Variants in CDKN2B-AS1 observed in about 807,000 individuals in gnomAD.
CDKN2B-AS1 encodes the protein CDKN2B and CDKN2A antisense cis and trans regulatory RNA 1.
At chr9:22,076,536 T>TA (rs1824499701) in intron 4 of CDKN2B-AS1, among the ~76,000 whole-genome samples, 1 of 152,166 alleles carries the variant, frequency 6.6e-6, no homozygotes, top group Admixed American at 6.5e-5. Flanking sequence ...AACACGGTGC[T>TA]ATGGGTAAAA....
At chr9:22,043,637 C>T (rs1822991080) in intron 1 of CDKN2B-AS1, among the ~76,000 whole-genome samples, 1 of 151,930 alleles carries the variant, frequency 6.6e-6, no homozygotes, top group South Asian at 2.1e-4. Context: ...GTTTTCCAAA[C>T]TTTAGTTATT....
intron 4 of CDKN2B-AS1, among the ~76,000 whole-genome samples, chr9:22,076,030 G>A (rs1291831523): frequency 6.6e-6 from 1 of 152,006 alleles, no homozygotes; most frequent in African/African-American, 2.4e-5. Context: ...TCAAGTACTG[G>A]CATCCTCAGA....
rs3028393 is a variant in CDKN2B-AS1, at chr9:22,005,112, A to ATGTGTGTGTG, written n.29+9972_29+9981dup. 590 of 225,442 alleles carry ATGTGTGTGTG rather than the reference A, an allele frequency of 2.6e-3. 2 individuals carry two copies. Among genetic ancestry groups the ATGTGTGTGTG allele is most frequent in the East Asian group, 0.022 (351 of 15,976 alleles). The allele number at this position is 225,442 out of a possible 1,614,324, so 14.0% of individuals were successfully genotyped here. The stretch of plus-strand genomic sequence containing the variant: ...CATAAGGGGATTTCCGCATCCTAGC[A>ATGTGTGTGTG]TGTGTGTGTGTGTGTGTGTGTGTGT... On this transcript the variant is annotated intron_variant and non_coding_transcript_variant, in intron 1 of 4. Coordinates refer to ENST00000650946, the Ensembl canonical transcript of CDKN2B-AS1. This position sits in a 1 kb window ranked among gnomAD's most constrained non-coding sequence, Gnocchi z 4.9.
chr9:22,100,133 C>T (rs937535901), intron 4 of CDKN2B-AS1, among the ~76,000 whole-genome samples: 5 of 151,994 alleles, frequency 3.3e-5, no homozygotes, highest in African/African-American at 1.2e-4. Context: ...TTTAATTATT[C>T]CTCTAATTTC....
chr9:22,019,500 A>G (rs1821931141), intron 1 of CDKN2B-AS1, among the ~76,000 whole-genome samples: 1 of 152,154 alleles, frequency 6.6e-6, no homozygotes, highest in African/African-American at 2.4e-5. Flanking sequence ...AGGTTTTTAC[A>G]ATGAGAGAGG....
intron 2 of CDKN2B-AS1, among the ~76,000 whole-genome samples, chr9:22,048,243 G>T (rs575682507): frequency 6.6e-6 from 1 of 152,142 alleles, no homozygotes; most frequent in African/African-American, 2.4e-5. Context: ...GCAGAAGTGT[G>T]TGCCTCTAAG....
chr9:22,022,796 C>T (rs1278973090), intron 1 of CDKN2B-AS1, among the ~76,000 whole-genome samples: 1 of 152,184 alleles, frequency 6.6e-6, no homozygotes, highest in Non-Finnish European at 1.5e-5. Context: ...GTGCTTCCTT[C>T]AGGAGCTCTT....
intron 1 of CDKN2B-AS1, among the ~76,000 whole-genome samples, chr9:22,002,457 T>C (rs888817677): frequency 1.3e-5 from 2 of 148,232 alleles, no homozygotes; most frequent in African/African-American, 5.0e-5. Flanking sequence ...AATTGAGGGG[T>C]AATTATAGAA....
intron 3 of CDKN2B-AS1, among the ~76,000 whole-genome samples, chr9:22,054,717 A>G (rs1448060232): frequency 6.8e-6 from 1 of 147,310 alleles, no homozygotes; most frequent in Non-Finnish European, 1.5e-5. Flanking sequence ...TTAAATTTTT[A>G]TTTATTTTAT....
chr9:22,003,065 T>G (rs1326686490), intron 1 of CDKN2B-AS1: 1 of 212,728 alleles, frequency 4.7e-6, no homozygotes, highest in African/African-American at 2.3e-5. Flanking sequence ...GCAGGACTCA[T>G]GAAAATAGTA....
At chr9:22,080,433 T>C (rs1215929422) in intron 4 of CDKN2B-AS1, among the ~76,000 whole-genome samples, 2 of 152,256 alleles carry the variant, frequency 1.3e-5, no homozygotes, top group Non-Finnish European at 2.9e-5. Flanking sequence ...GATGTGAGCT[T>C]GTGACCTAGC....
intron 1 of CDKN2B-AS1, among the ~76,000 whole-genome samples, chr9:22,035,925 G>A (rs981693641): frequency 2.1e-4 from 32 of 152,240 alleles, no homozygotes; most frequent in African/African-American, 7.2e-4. Flanking sequence ...CACGGTGAAG[G>A]AGATGCCACA....
chr9:22,029,549 G>T, intron 1 of CDKN2B-AS1: 1 of 778,854 alleles, frequency 1.3e-6, no homozygotes, highest in Non-Finnish European at 2.4e-6. Flanking sequence ...CTTTCTTTGT[G>T]GTAGTTAGGG....
intron 4 of CDKN2B-AS1, among the ~76,000 whole-genome samples, chr9:22,073,908 G>A (rs930883380): frequency 2.3e-4 from 35 of 150,448 alleles, no homozygotes; most frequent in Non-Finnish European, 5.9e-5. Flanking sequence ...CTGTCTCCCA[G>A]GCTGGAGAGC....
intron 4 of CDKN2B-AS1, among the ~76,000 whole-genome samples, chr9:22,116,442 T>C (rs1374210255): frequency 1.3e-5 from 2 of 152,076 alleles, no homozygotes; most frequent in Non-Finnish European, 2.9e-5. Flanking sequence ...TACAAACTAG[T>C]AAATAAGAAA....
At chr9:22,024,024 A>T (rs504318) in intron 1 of CDKN2B-AS1, among the ~76,000 whole-genome samples, 76,192 of 151,932 alleles carry the variant, frequency 0.5, 20,185 homozygotes, top group African/African-American at 0.66. Context: ...ACTCTTGATT[A>T]TTGAGTTTTC....
At chr9:22,111,381 T>A (rs958752094) in intron 4 of CDKN2B-AS1, among the ~76,000 whole-genome samples, 1 of 152,160 alleles carries the variant, frequency 6.6e-6, no homozygotes, top group Admixed American at 6.6e-5. Flanking sequence ...TAAAATAACT[T>A]CCTAAAGAGC....
At position 22,006,593 on chromosome 9, in the gene CDKN2B-AS1, G is replaced by C. The variant is rs1196060589; in HGVS notation, n.29+11432G>C. ...TATTTTGTTAAATGATTTAGGGGCAGAGTTAAATTTATTCGGCTTTTAAAG... is the reference window on the plus strand; with the variant it reads ...TATTTTGTTAAATGATTTAGGGGCACAGTTAAATTTATTCGGCTTTTAAAG... On this transcript the variant is annotated intron_variant and non_coding_transcript_variant, in intron 1 of 4. Transcript: ENST00000650946. This position sits in a 1 kb window ranked among gnomAD's most constrained non-coding sequence, Gnocchi z 6.4. Among the ~76,000 whole-genome samples, 1 of 152,204 alleles carries C rather than the reference G, an allele frequency of 6.6e-6. No individual in the cohort carries two copies. The highest frequency in any genetic ancestry group is 2.4e-5 in the African/African-American group (1 of 41,446).
At chr9:22,020,230 A>G (rs546994942) in intron 1 of CDKN2B-AS1, among the ~76,000 whole-genome samples, 1 of 152,306 alleles carries the variant, frequency 6.6e-6, no homozygotes, top group South Asian at 2.1e-4. Flanking sequence ...GCTGCATAGT[A>G]TTCCATGGTG....
Sources: gnomAD v4.1 joint callset for allele counts (sites outside exome capture counted in the v4.1 genomes callset) on GRCh38, gnomAD v4.1.1 for gene constraint, Gnocchi (gnomAD v3.1) non-coding constraint, MANE v1.5 for transcripts, NCBI Gene and HGNC (gene_info 2026-07-23, HGNC 2026-07-21) for gene names.